The following ZNF217 variants were observed in gnomAD, a reference collection of about 807,000 sequenced individuals.
ZNF217 encodes the protein zinc finger protein 217.
Under a neutral mutation model 73.3 loss-of-function variants are expected in ZNF217, and 12 were observed. The observed-to-expected ratio is 0.16, with a 90% confidence interval of 0.10 to 0.27. ZNF217 has a LOEUF of 0.27. Ranked by LOEUF, ZNF217 falls within the 10% of genes least tolerant of loss-of-function variation. ZNF217 has a pLI of 1.00. For missense variants in ZNF217, 1,195 were observed against 1,327.8 expected (o/e 0.90, Z 1.55); for synonymous variants, 588 against 516.4 (o/e 1.14, Z -1.88).
At position 53,582,991 on chromosome 20, in the gene ZNF217, G is replaced by C. The variant is rs999475683; in HGVS notation, c.-165C>G. On this transcript the variant is annotated 5_prime_UTR_variant, in exon 2 of 6. Coordinates refer to ENST00000371471, the MANE Select transcript of ZNF217 (RefSeq NM_006526.3). The surrounding 1 kb of genome is among the most constrained non-coding windows in gnomAD (Gnocchi z 4.8). ...GTCCTCTAACTTCTTCGAACTTTTA[G>C]GAAGCTCAGTGATGGTGTCACTGGT... The C allele has an allele frequency of 2.9e-6, 2 of 683,540 alleles. No homozygotes were observed. The highest frequency in any genetic ancestry group is 3.6e-5 in the African/African-American group (2 of 55,276). 42.3% of individuals were successfully genotyped at this position (683,540 alleles called of 1,614,324 possible). A position where few individuals can be genotyped will look rare whatever the true frequency, so the allele number is the denominator to read the frequency against.
chr20:53,584,723 G>C (rs1381354165), intron 1 of ZNF217, among the ~76,000 whole-genome samples: 1 of 152,174 alleles, frequency 6.6e-6, no homozygotes, highest in African/African-American at 2.4e-5. Context: ...CTGTGGTTCT[G>C]GGGATAGAGC....
At chr20:53,591,549 T>C (rs1476778410) in intron 1 of ZNF217, among the ~76,000 whole-genome samples, 1 of 152,320 alleles carries the variant, frequency 6.6e-6, no homozygotes, top group Non-Finnish European at 1.5e-5. Flanking sequence ...CGATTAAAAA[T>C]GGCAGCAACA....
intron 2 of ZNF217, among the ~76,000 whole-genome samples, chr20:53,579,257 A>G (rs1212664357): frequency 6.6e-6 from 1 of 152,216 alleles, no homozygotes; most frequent in Non-Finnish European, 1.5e-5. Context: ...GCTGCCGTTA[A>G]AATACCACCC....
chr20:53,592,457 T>C (rs913311101), intron 1 of ZNF217, among the ~76,000 whole-genome samples: 2 of 152,026 alleles, frequency 1.3e-5, no homozygotes, highest in Non-Finnish European at 1.5e-5. Flanking sequence ...GTCCCAGAAG[T>C]GGCCTTTTCT....
At chr20:53,585,649 A>C (rs1988669303) in intron 1 of ZNF217, among the ~76,000 whole-genome samples, 1 of 152,174 alleles carries the variant, frequency 6.6e-6, no homozygotes. Flanking sequence ...TTTGGTTCCA[A>C]TTCTCAATTA....
chr20:53,569,355 C>A, intron 5 of ZNF217, 91 bp from the exon 6 acceptor site: 1 of 906,502 alleles, frequency 1.1e-6, no homozygotes, highest in Non-Finnish European at 1.4e-6. Flanking sequence ...TACATAGAAC[C>A]AAACTGACCT....
At chr20:53,597,531 C>T (rs1355953579), upstream of ZNF217, 1 of 151,886 alleles carries the variant, frequency 6.6e-6, no homozygotes, top group African/African-American at 2.4e-5. Context: ...TATTAAGTTT[C>T]TTGATCCCAT....
chr20:53,591,872 A>C (rs1195503989), intron 1 of ZNF217, among the ~76,000 whole-genome samples: 1 of 152,240 alleles, frequency 6.6e-6, no homozygotes, highest in Non-Finnish European at 1.5e-5. Context: ...ATCAATCAAG[A>C]AAGAACATCC....
upstream of ZNF217, among the ~76,000 whole-genome samples, chr20:53,594,036 A>AC (rs558490926): frequency 0.023 from 2,959 of 129,882 alleles, 64 homozygotes; most frequent in African/African-American, 0.056. Flanking sequence ...CGCCTCCAAG[A>AC]CCCCCCCCCA....
At position 53,577,115 on chromosome 20, in the gene ZNF217, T is replaced by C. The variant is rs1988311135; in HGVS notation, c.1649A>G (p.Asp550Gly). 6.2e-7 allele frequency: 1 copy of C among 1,614,112 alleles called. No individual in the cohort carries two copies. Among genetic ancestry groups the C allele is most frequent in the Non-Finnish European group, 8.5e-7 (1 of 1,180,058 alleles). The change falls in exon 4 of 6, where the codon GAC becomes GGC. Residue 550 changes from aspartate (D) to glycine (G), a missense_variant. By Grantham distance (94) the Asp-to-Gly change is moderately conservative. This residue lies in a region of ZNF217 where 649 missense variants were observed against 642.8 expected (regional missense o/e 1.01). Transcript: ENST00000371471. ...QDTEDALLTADSAQTKNLKRF... is the reference protein window; with the variant it reads ...QDTEDALLTAGSAQTKNLKRF... ...TTTCAAATTTTTGGTTTGCGCACTG[T>C]CAGCGGTTAATAGTGCATCTTCAGT... is the stretch of plus-strand genomic sequence containing the variant.
In ZNF217 at chr20:53,581,573, C is replaced by T; in HGVS notation, c.1254G>A (p.Gly418=). ...GGGCGGCGAGGTCAGGAGAACACGT[C>T]CCCGGCTGCCTCCCGTCCACAGACA... ...PTMSVDGRQP[G]TCSPDLAAPL... Residue 418 remains glycine (G), a synonymous_variant, in exon 2 of 6, where the codon GGG becomes GGA. Transcript: ENST00000371471. The surrounding 1 kb of genome is among the most constrained non-coding windows in gnomAD (Gnocchi z 4.9). 5 of 1,614,236 alleles carry T rather than the reference C, an allele frequency of 3.1e-6. No individual in the cohort carries two copies. The highest frequency in any genetic ancestry group is 4.2e-6 in the Non-Finnish European group (5 of 1,180,034).
At chr20:53,585,095 G>GAAAAAAAA (rs748460021) in intron 1 of ZNF217, among the ~76,000 whole-genome samples, 4 of 46,950 alleles carry the variant, frequency 8.5e-5, no homozygotes, top group Non-Finnish European at 1.2e-4. Flanking sequence ...GTGAGAATTT[G>GAAAAAAAA]AAAAAAAAAA....
At chr20:53,593,203 T>TA (rs1988944059) in intron 1 of ZNF217, among the ~76,000 whole-genome samples, 1 of 151,638 alleles carries the variant, frequency 6.6e-6, no homozygotes, top group African/African-American at 2.4e-5. Flanking sequence ...CGCGGTCCCT[T>TA]AGAGGCGCCC....
Position 53,567,426 on chromosome 20 carries a change from C to T in ZNF217, c.*1862G>A, listed in dbSNP as rs1220576327. 1 of 152,536 alleles carries T rather than the reference C, an allele frequency of 6.6e-6. No individual in the cohort carries two copies. The highest frequency in any genetic ancestry group is 2.4e-5 in the African/African-American group (1 of 41,428). The allele number at this position is 152,536 out of a possible 1,614,324, so 9.4% of individuals were successfully genotyped here. ...GAGAAATCTGAAAGCCCAAAAAATT[C>T]CAGCATAATACAAATCGACTTGTTT... is the stretch of plus-strand genomic sequence containing the variant. On this transcript the variant is annotated 3_prime_UTR_variant, in exon 6 of 6. Transcript: ENST00000371471.
At chr20:53,579,171 CAGG>C (rs1053270697) in intron 2 of ZNF217, among the ~76,000 whole-genome samples, 6 of 152,194 alleles carry the variant, frequency 3.9e-5, no homozygotes, top group African/African-American at 9.7e-5. Context: ...TCACGTGCAT[CAGG>C]AGAAGTTAGA....
At chr20:53,595,266 G>A (rs1989022287), upstream of ZNF217, among the ~76,000 whole-genome samples, 1 of 152,096 alleles carries the variant, frequency 6.6e-6, no homozygotes, top group African/African-American at 2.4e-5. Context: ...GCAAACTAAT[G>A]CAAATGTGAA....
chr20:53,567,236 C>T lies in ZNF217; in HGVS notation c.*2052G>A, dbSNP rs1212006858. The T allele has an allele frequency of 6.6e-6, 1 of 152,160 alleles. No homozygotes were observed. The highest frequency in any genetic ancestry group is 2.4e-5 in the African/African-American group (1 of 41,268). The allele number at this position is 152,160 out of a possible 1,614,324, so 9.4% of individuals were successfully genotyped here. ...AATAAATACATAAACAAAAATCCAACGAATTGTACCTCTATTATATGTACT... is the reference window on the plus strand; with the variant it reads ...AATAAATACATAAACAAAAATCCAATGAATTGTACCTCTATTATATGTACT... On this transcript the variant is annotated 3_prime_UTR_variant, in exon 6 of 6. Transcript: ENST00000371471.
intron 1 of ZNF217, among the ~76,000 whole-genome samples, chr20:53,591,668 G>A (rs2766677): frequency 0.099 from 15,013 of 152,166 alleles, 1,002 homozygotes; most frequent in Non-Finnish European, 0.15. Flanking sequence ...CTACCATTAA[G>A]GACACACCTT....
Position 53,571,873 on chromosome 20 carries a change from T to G in ZNF217, c.3038-20A>C. On this transcript the variant is annotated intron_variant, in intron 4 of 5. Coordinates refer to ENST00000371471, the MANE Select transcript of ZNF217 (RefSeq NM_006526.3). ...TTTTTCCTGATTGAAAAAAAAAACA[T>G]ATTTAGAGTTAAGGTCAAACAATTA... The G allele has an allele frequency of 6.3e-7, 1 of 1,575,466 alleles. No homozygotes were observed. The highest frequency in any genetic ancestry group is 8.6e-7 in the Non-Finnish European group (1 of 1,164,070).
Sources: gnomAD v4.1 joint callset for allele counts (sites outside exome capture counted in the v4.1 genomes callset) on GRCh38, gnomAD v4.1.1 for gene constraint, gnomAD v4.1.1 regional missense constraint, Gnocchi (gnomAD v3.1) non-coding constraint, MANE v1.5 for transcripts, NCBI Gene and HGNC (gene_info 2026-07-23, HGNC 2026-07-21) for gene names.